Variants in SCARB2 observed in about 807,000 individuals in gnomAD.
SCARB2 encodes scavenger receptor class B member 2.
In SCARB2, 29 loss-of-function variants were observed where a neutral mutation model predicts 58.6. That is an observed-to-expected ratio of 0.49 (90% CI 0.37 to 0.67). The LOEUF is 0.67. Among genes scored for constraint, SCARB2 ranks in the 30% least tolerant of loss-of-function variants. The pLI is 0.00. For synonymous variants in SCARB2, 195 were observed against 210.1 expected, an observed-to-expected ratio of 0.93 and a Z score of 0.62; for missense variants, 488 against 578.5, an observed-to-expected ratio of 0.84 and a Z score of 1.60.
At chr4:76,166,203 T>C (rs1202191411) in intron 10 of SCARB2, 47 bp downstream of exon 10, 1 of 1,584,720 alleles carries the variant, frequency 6.3e-7, no homozygotes, top group Non-Finnish European at 8.7e-7. Flanking sequence ...TAATGGATTT[T>C]TTCTGAGTCT....
At position 76,163,323 on chromosome 4, in the gene SCARB2, T is replaced by C; in HGVS notation, c.1300A>G (p.Ile434Val). The change falls in exon 11 of 12, where the codon ATC becomes GTC. Residue 434 changes from isoleucine to valine, a missense_variant. By Grantham distance (29) the Ile-to-Val change is conservative (BLOSUM62 3). Transcript: ENST00000264896. ...RLKSMINTTL[I>V]ITNIPYIIMA... ...ATGATGTAGGGTATGTTGGTGATGA[T>C]CAAAGTAGTGTTAATCATAGACTTC... 1 of 1,614,200 alleles carries C rather than the reference T, an allele frequency of 6.2e-7. No homozygotes were observed. The highest frequency in any genetic ancestry group is 1.3e-5 in the African/African-American group (1 of 75,048).
At chr4:76,220,011 A>G (rs1001354063) in intron 1 of SCARB2, among the ~76,000 whole-genome samples, 4 of 152,252 alleles carry the variant, frequency 2.6e-5, no homozygotes, top group African/African-American at 9.6e-5. Flanking sequence ...ATTAATGAGT[A>G]GTGTTTGCTT....
At position 76,174,126 on chromosome 4, in the gene SCARB2, C is replaced by G. The variant is rs755696804; in HGVS notation, c.994+18G>C. ...GCATTCTTGACACCCCTATCATGTC[C>G]CCTCTCTGAGTTCTTACCATTCTTG... On this transcript the variant is annotated intron_variant, in intron 7 of 11. Coordinates refer to ENST00000264896, the MANE Select transcript of SCARB2 (RefSeq NM_005506.4). 1 of 1,612,930 alleles carries G rather than the reference C, an allele frequency of 6.2e-7. No homozygotes were observed. The highest frequency in any genetic ancestry group is 8.5e-7 in the Non-Finnish European group (1 of 1,179,942).
At position 76,169,975 on chromosome 4, in the gene SCARB2, G is replaced by A. The variant is rs773975096; in HGVS notation, c.1005C>T (p.Ile335=). ...GGTAAAAGTGTGGGAAAGACATAAT[G>A]ATGGGTGCACCTGCATTTGAAGGAA... ...NVSICKNGAP[I]IMSFPHFYQA... The change falls in exon 8 of 12, where the codon ATC becomes ATT. Residue 335 remains isoleucine, a synonymous_variant. Transcript: ENST00000264896. 13 of 1,612,992 alleles carry A rather than the reference G, an allele frequency of 8.1e-6. No individual in the cohort carries two copies. In the African/African-American group the frequency reaches 1.7e-4, roughly 22 times the overall value.
chr4:76,166,223 C>A (rs751849468), intron 10 of SCARB2, 27 bp downstream of exon 10: 5 of 1,612,340 alleles, frequency 3.1e-6, no homozygotes, highest in Non-Finnish European at 4.2e-6. Context: ...TGAAAACACC[C>A]GTGGCTCCCT....
At chr4:76,227,114 C>T (rs942667723) in intron 1 of SCARB2, among the ~76,000 whole-genome samples, 2 of 151,948 alleles carry the variant, frequency 1.3e-5, no homozygotes, top group Non-Finnish European at 2.9e-5. Context: ...GAGGTGTGAC[C>T]TTAGAGTGTC....
At chr4:76,195,511 T>C (rs1007622307) in intron 2 of SCARB2, 196 bp downstream of exon 2, 4 of 595,624 alleles carry the variant, frequency 6.7e-6, no homozygotes, top group South Asian at 5.9e-5. Flanking sequence ...ACGCTGAGAC[T>C]TGGCCCAGTC....
rs773823057 is a variant in SCARB2 at position 76,175,805 on chromosome 4, T to A, written c.810A>T (p.Pro270=). ...ITKDEVLYVF[P]SDFCRSVYIT... ...AAAGCTTTTACCTGCAAAAGTCAGA[T>A]GGGAAGACATAAAGGACCTCATCTT... Residue 270 remains proline, a synonymous_variant, in exon 6 of 12, where the codon CCA becomes CCT. Transcript: ENST00000264896. 1.2e-5 allele frequency: 20 copies of A among 1,613,918 alleles called. No homozygotes were observed. The highest frequency in any genetic ancestry group is 1.6e-4 in the Middle Eastern group (1 of 6,082).
rs771518031 is a variant in SCARB2, at chr4:76,161,764, A to G, written c.1399-13T>C. On this transcript the variant is annotated splice_polypyrimidine_tract_variant and intron_variant, in intron 11 of 11. Coordinates refer to ENST00000264896, the MANE Select transcript of SCARB2 (RefSeq NM_005506.4). ...CATCCGCTGTTCCCTGAAACACAGA[A>G]GAGAGAAAACAAGTTAGATGTTCAT... The G allele has an allele frequency of 3.1e-6, 5 of 1,614,080 alleles. No individual in the cohort carries two copies. In the East Asian group the frequency reaches 1.1e-4, roughly 36 times the overall value.
chr4:76,210,869 C>T (rs1733030194), intron 1 of SCARB2, among the ~76,000 whole-genome samples: 1 of 152,244 alleles, frequency 6.6e-6, no homozygotes, highest in Non-Finnish European at 1.5e-5. Flanking sequence ...CACACCTACT[C>T]ATTTGAATTT....
chr4:76,228,551 C>A (rs1733440210), intron 1 of SCARB2, among the ~76,000 whole-genome samples: 1 of 151,520 alleles, frequency 6.6e-6, no homozygotes, highest in Admixed American at 6.6e-5. Context: ...TGGCTTGTGG[C>A]AAATTCTCTC....
At chr4:76,162,515 G>A (rs1731919733) in intron 11 of SCARB2, 1 of 153,196 alleles carries the variant, frequency 6.5e-6, no homozygotes, top group Admixed American at 6.5e-5. Context: ...CACTTGGAAA[G>A]GCGAACCCAA....
chr4:76,191,683 A>C (rs1457195265), intron 2 of SCARB2, among the ~76,000 whole-genome samples: 1 of 151,838 alleles, frequency 6.6e-6, no homozygotes, highest in Non-Finnish European at 1.5e-5. Context: ...TAAATTACCC[A>C]GTCTCAGGTC....
intron 1 of SCARB2, among the ~76,000 whole-genome samples, chr4:76,220,629 A>C (rs1221909146): frequency 6.6e-6 from 1 of 152,174 alleles, no homozygotes; most frequent in Non-Finnish European, 1.5e-5. Flanking sequence ...TCTCTTAAAG[A>C]AAGAATGAAG....
intron 4 of SCARB2, chr4:76,176,786 G>C (rs984115990): frequency 2.2e-5 from 8 of 367,552 alleles, no homozygotes; most frequent in Non-Finnish European, 3.9e-5. Flanking sequence ...TTCTCCTCAA[G>C]ACTGCAACAT....
At position 76,175,576 on chromosome 4, in the gene SCARB2, C is replaced by A. The variant is rs184804389; in HGVS notation, c.824+215G>T. The A allele has an allele frequency of 2.8e-4, 167 of 594,420 alleles. 1 individual carries two copies. The highest frequency in any genetic ancestry group is 2.4e-3 in the African/African-American group (130 of 53,756). 36.8% of individuals were successfully genotyped at this position (594,420 alleles called of 1,614,324 possible). ...AAGTAATTTGCCCAAGGTCACACAG[C>A]TATAAGTGGTAGAGCCAAGATTCAA... On this transcript the variant is annotated intron_variant, in intron 6 of 11. Coordinates refer to ENST00000264896, the MANE Select transcript of SCARB2 (RefSeq NM_005506.4).
chr4:76,179,942 A>G, intron 3 of SCARB2: 1 of 559,028 alleles, frequency 1.8e-6, no homozygotes, highest in Admixed American at 2.9e-5. Flanking sequence ...GACCATTTGC[A>G]GGCTCTGAGT....
rs1733128603 is a variant in SCARB2 at position 76,213,716 on chromosome 4, G to C, written c.-173C>G. The C allele has an allele frequency of 3.8e-6, 2 of 532,230 alleles. No homozygotes were observed. The highest frequency in any genetic ancestry group is 3.2e-6 in the Non-Finnish European group (1 of 308,046). 33.0% of individuals were successfully genotyped at this position (532,230 alleles called of 1,614,324 possible). A position where few individuals can be genotyped will look rare whatever the true frequency, so the allele number is the denominator to read the frequency against. The stretch of plus-strand genomic sequence containing the variant: ...CTGGGCTCCGCGGCCTGGCGAGCGC[G>C]GCCCCGGGTGCACCGGGCGGATGGG... On this transcript the variant is annotated 5_prime_UTR_variant, in exon 1 of 12. Transcript: ENST00000264896.
intron 4 of SCARB2, among the ~76,000 whole-genome samples, chr4:76,178,326 T>A (rs1279629703): frequency 6.6e-6 from 1 of 152,234 alleles, no homozygotes; most frequent in Non-Finnish European, 1.5e-5. Context: ...GGCTCTGTTC[T>A]AAAATTTTTG....
Sources: allele counts gnomAD v4.1 joint callset (sites outside exome capture counted in the v4.1 genomes callset), GRCh38; gene constraint gnomAD v4.1.1; transcripts MANE v1.5; gene names NCBI Gene and HGNC (gene_info 2026-07-23, HGNC 2026-07-21).